The following MYO3B variants were observed in gnomAD, a reference collection of about 807,000 sequenced individuals.
MYO3B encodes myosin-IIIb.
MYO3B carries 156 observed loss-of-function variants against 174.6 expected under a neutral mutation model. That is an observed-to-expected ratio of 0.89 (90% CI 0.78 to 1.02). MYO3B has a LOEUF of 1.02. MYO3B is among the 50% of genes least tolerant of loss of function. The pLI is 0.00. For missense variants in MYO3B, 1,632 were observed against 1,639.4 expected (o/e 1.00, Z 0.08); for synonymous variants, 563 against 569.1 (o/e 0.99, Z 0.15).
At chr2:170,642,394 T>C (rs910804376) in intron 32 of MYO3B, among the ~76,000 whole-genome samples, 1 of 152,236 alleles carries the variant, frequency 6.6e-6, no homozygotes, top group Non-Finnish European at 1.5e-5. Context: ...TTTTGCAATT[T>C]TGAAGAAGAT....
At position 170,204,792 on chromosome 2, in the gene MYO3B, G is replaced by T. The variant is rs759083913; in HGVS notation, c.321+4508G>T. On this transcript the variant is annotated intron_variant, in intron 3 of 34. Coordinates refer to ENST00000408978, the MANE Select transcript of MYO3B (RefSeq NM_138995.5). The stretch of plus-strand genomic sequence containing the variant: ...GGCTGATATGTCAACCCTCAGGGCT[G>T]GGGTGGGAGGCTTGGTTGCCTTCTT... Among the ~76,000 whole-genome samples the T allele has an allele frequency of 2.4e-4, 36 of 152,086 alleles. 1 individual carries two copies. The highest frequency in any genetic ancestry group is 4.4e-5 in the Non-Finnish European group (3 of 68,008).
intron 9 of MYO3B, among the ~76,000 whole-genome samples, chr2:170,370,421 AT>A (rs2094232488): frequency 1.3e-5 from 2 of 151,592 alleles, no homozygotes; most frequent in African/African-American, 4.9e-5. Flanking sequence ...CTCAGAGGGG[AT>A]TTTTTTTCCT....
chr2:170,448,240 G>A (rs755751337), intron 23 of MYO3B, among the ~76,000 whole-genome samples: 12 of 152,136 alleles, frequency 7.9e-5, no homozygotes, highest in Non-Finnish European at 1.3e-4. Context: ...AAGTTAGTTC[G>A]GCCTACACCC....
At chr2:170,418,521 C>G (rs1197101129) in intron 22 of MYO3B, among the ~76,000 whole-genome samples, 1 of 152,212 alleles carries the variant, frequency 6.6e-6, no homozygotes, top group Non-Finnish European at 1.5e-5. Flanking sequence ...CATAAAAGCT[C>G]TAGCACCTAA....
chr2:170,616,891 C>T (rs1695502699), intron 32 of MYO3B, among the ~76,000 whole-genome samples: 1 of 152,222 alleles, frequency 6.6e-6, no homozygotes, highest in South Asian at 2.1e-4. Context: ...TGGCATTTTA[C>T]TGATTCCCAA....
intron 32 of MYO3B, among the ~76,000 whole-genome samples, chr2:170,615,230 G>C (rs1419018601): frequency 1.3e-5 from 2 of 152,100 alleles, no homozygotes; most frequent in Non-Finnish European, 2.9e-5. Context: ...TGTTTACTCA[G>C]TACCTACCAT....
chr2:170,372,092 C>T (rs2094250463), intron 9 of MYO3B, among the ~76,000 whole-genome samples: 1 of 116,184 alleles, frequency 8.6e-6, no homozygotes, highest in South Asian at 2.9e-4. Flanking sequence ...GCATTCCAGC[C>T]TGGGCAACAG....
intron 32 of MYO3B, among the ~76,000 whole-genome samples, chr2:170,636,197 C>T (rs1289025123): frequency 2.6e-5 from 4 of 152,152 alleles, no homozygotes; most frequent in Non-Finnish European, 4.4e-5. Flanking sequence ...GTTGGCCATA[C>T]ACTTGGTCTT....
intron 7 of MYO3B, among the ~76,000 whole-genome samples, chr2:170,287,632 A>G (rs1236636772): frequency 6.6e-6 from 1 of 151,928 alleles, no homozygotes; most frequent in African/African-American, 2.4e-5. Context: ...CTGGTTATTA[A>G]TTCTTTTTCA....
intron 14 of MYO3B, among the ~76,000 whole-genome samples, chr2:170,387,658 A>G (rs1270904633): frequency 6.6e-6 from 1 of 152,226 alleles, no homozygotes; most frequent in Non-Finnish European, 1.5e-5. Flanking sequence ...AATATTTCAC[A>G]TGTTAATTTT....
At chr2:170,196,453 C>T (rs965915759) in intron 1 of MYO3B, among the ~76,000 whole-genome samples, 27 of 152,122 alleles carry the variant, frequency 1.8e-4, no homozygotes, top group African/African-American at 6.3e-4. Flanking sequence ...GAGGTTGAGG[C>T]TACAGGGGGT....
At chr2:170,502,020 G>A (rs1687305104) in intron 28 of MYO3B, among the ~76,000 whole-genome samples, 155 bp downstream of exon 28, 1 of 152,206 alleles carries the variant, frequency 6.6e-6, no homozygotes. Context: ...CCCTCCTTGT[G>A]TGATAACTAT....
chr2:170,517,416 A>G (rs927552058), intron 29 of MYO3B, among the ~76,000 whole-genome samples: 1 of 152,134 alleles, frequency 6.6e-6, no homozygotes, highest in Non-Finnish European at 1.5e-5. Context: ...TGGCACCTTC[A>G]TAAGGAGAGT....
chr2:170,600,763 A>G (rs1694459431), intron 32 of MYO3B, among the ~76,000 whole-genome samples: 1 of 152,214 alleles, frequency 6.6e-6, no homozygotes, highest in Non-Finnish European at 1.5e-5. Context: ...ACTGCAAAAT[A>G]TCACTGCCAT....
chr2:170,316,562 G>A (rs889700998), intron 7 of MYO3B, among the ~76,000 whole-genome samples: 1 of 152,148 alleles, frequency 6.6e-6, no homozygotes, highest in Non-Finnish European at 1.5e-5. Context: ...ACCTATTTTG[G>A]CAGTTTATTG....
intron 32 of MYO3B, among the ~76,000 whole-genome samples, chr2:170,561,650 C>T (rs945218871): frequency 2.0e-5 from 3 of 152,200 alleles, no homozygotes; most frequent in African/African-American, 7.2e-5. Context: ...ATTGTAAAGA[C>T]TATCAATTTT....
intron 7 of MYO3B, among the ~76,000 whole-genome samples, chr2:170,279,798 A>G (rs1218039117): frequency 6.6e-6 from 1 of 152,152 alleles, no homozygotes; most frequent in Non-Finnish European, 1.5e-5. Flanking sequence ...ACATGATCTC[A>G]TTACTTTTTA....
chr2:170,604,560 G>A (rs1362585531), intron 32 of MYO3B, among the ~76,000 whole-genome samples: 1 of 152,126 alleles, frequency 6.6e-6, no homozygotes, highest in Non-Finnish European at 1.5e-5. Flanking sequence ...TGTATCAACA[G>A]ATACAGAAGC....
Position 170,543,941 on chromosome 2 carries a change from C to T in MYO3B, c.3686C>T (p.Ala1229Val). The T allele has an allele frequency of 6.2e-7, 1 of 1,613,368 alleles. No homozygotes were observed. Among genetic ancestry groups the T allele is most frequent in the South Asian group, 1.1e-5 (1 of 91,044 alleles). Residue 1229 changes from alanine (A) to valine (V), a missense_variant, in exon 32 of 35, where the codon GCT (alanine) becomes GTT (valine). Ala to Val is a moderately conservative substitution (Grantham distance 64). Transcript: ENST00000408978. The part of the protein sequence containing the change: ...DLLSSRICHP[A>V]PDQQGLSLWG... ...CTGTCTTCTCGGATATGCCATCCTG[C>T]TCCAGATCAGCAAGGATTGAGTCTC... is the stretch of plus-strand genomic sequence containing the variant.
Sources: allele counts gnomAD v4.1 joint callset (sites outside exome capture counted in the v4.1 genomes callset), GRCh38; gene constraint gnomAD v4.1.1; transcripts MANE v1.5; gene names NCBI Gene and HGNC (gene_info 2026-07-23, HGNC 2026-07-21).